The following FNDC3B variants were observed in gnomAD, a reference collection of about 807,000 sequenced individuals.
FNDC3B encodes the protein fibronectin type III domain containing 3B, also known as fibronectin type III domain-containing protein 3B.
A neutral mutation model predicts 151.5 loss-of-function variants in FNDC3B; 12 were observed. The observed-to-expected ratio is 0.08, with a 90% CI of 0.05 to 0.13. The LOEUF (loss-of-function observed/expected upper bound fraction) is 0.13, where lower values mean the gene tolerates loss of function less well. FNDC3B is among the 10% of genes least tolerant of loss of function. The probability of loss-of-function intolerance (pLI) is 1.00; values close to 1 mark genes in which losing one functional copy is unlikely to be tolerated. For synonymous variants in FNDC3B, 528 were observed against 549.0 expected, an observed-to-expected ratio of 0.96 and a Z score of 0.54; for missense variants, 1,214 against 1,505.3, an observed-to-expected ratio of 0.81 and a Z score of 3.20.
chr3:172,109,474 G>A (rs1407997934), intron 1 of FNDC3B, among the ~76,000 whole-genome samples: 3 of 152,216 alleles, frequency 2.0e-5, no homozygotes, highest in Non-Finnish European at 2.9e-5. Context: ...CGAAGGCCTT[G>A]GATTCTAGCA....
intron 6 of FNDC3B, among the ~76,000 whole-genome samples, chr3:172,272,772 T>G (rs1729261146): frequency 1.3e-5 from 2 of 152,182 alleles, no homozygotes; most frequent in Non-Finnish European, 1.5e-5. Flanking sequence ...GGAAATCAAC[T>G]TTAGGCTGCT....
intron 1 of FNDC3B, among the ~76,000 whole-genome samples, chr3:172,053,776 CAAAAAAAAAAA>C (rs562005467): frequency 8.8e-6 from 1 of 113,374 alleles, no homozygotes; most frequent in Admixed American, 9.0e-5. Context: ...AACTCCGTCT[CAAAAAAAAAAA>C]AAAAAAAAAT....
At chr3:172,249,043 C>G (rs1053212148) in intron 5 of FNDC3B, among the ~76,000 whole-genome samples, 1 of 151,912 alleles carries the variant, frequency 6.6e-6, no homozygotes, top group African/African-American at 2.4e-5. Context: ...AAGAAAACAT[C>G]AAGTATTGGG....
intron 2 of FNDC3B, among the ~76,000 whole-genome samples, chr3:172,126,801 A>G (rs903552573): frequency 2.0e-5 from 3 of 152,164 alleles, no homozygotes; most frequent in African/African-American, 7.2e-5. Context: ...ATTTCCACAT[A>G]CTGTGGTGTT....
At chr3:172,133,407 A>G (rs1417212613) in intron 2 of FNDC3B, 64 bp from the exon 3 acceptor site, 1 of 1,248,722 alleles carries the variant, frequency 8.0e-7, no homozygotes, top group Non-Finnish European at 1.2e-6. Flanking sequence ...AAATTTAGGT[A>G]ATAACACTTA....
At chr3:172,228,941 C>T (rs1327899690) in intron 4 of FNDC3B, among the ~76,000 whole-genome samples, 1 of 152,076 alleles carries the variant, frequency 6.6e-6, no homozygotes, top group Non-Finnish European at 1.5e-5. Flanking sequence ...GATGTGTACA[C>T]AACATCTTCT....
At chr3:172,344,543 G>A (rs6776935) in intron 19 of FNDC3B, among the ~76,000 whole-genome samples, 116,254 of 152,120 alleles carry the variant, frequency 0.76, 44,625 homozygotes, top group East Asian at 0.85. Context: ...GACAGTTTTT[G>A]GAAAATTTCC....
intron 6 of FNDC3B, among the ~76,000 whole-genome samples, chr3:172,267,459 G>A (rs934204395): frequency 4.6e-5 from 7 of 152,132 alleles, no homozygotes; most frequent in Non-Finnish European, 4.4e-5. Context: ...CCCAGCCTAT[G>A]CACAGTAAAT....
At chr3:172,090,524 T>G (rs1256312179) in intron 1 of FNDC3B, among the ~76,000 whole-genome samples, 1 of 152,216 alleles carries the variant, frequency 6.6e-6, no homozygotes, top group Non-Finnish European at 1.5e-5. Context: ...TAATCCAAGT[T>G]TCCTGCTTCT....
intron 11 of FNDC3B, among the ~76,000 whole-genome samples, chr3:172,316,000 CTTTTTT>C (rs555242809): frequency 1.4e-4 from 11 of 79,930 alleles, no homozygotes; most frequent in South Asian, 6.3e-4. Context: ...CTTTCTTCTT[CTTTTTT>C]TTTTTTTTTT....
intron 1 of FNDC3B, among the ~76,000 whole-genome samples, chr3:172,106,299 T>C (rs1174211514): frequency 6.6e-6 from 1 of 152,072 alleles, no homozygotes; most frequent in Non-Finnish European, 1.5e-5. Flanking sequence ...CCATGCCCAG[T>C]TTTCCACTGA....
chr3:172,064,679 G>A (rs543553838), intron 1 of FNDC3B, among the ~76,000 whole-genome samples: 2 of 152,212 alleles, frequency 1.3e-5, no homozygotes, highest in Non-Finnish European at 2.9e-5. Flanking sequence ...TGCTCAATAT[G>A]CTCCAGGGGA....
chr3:172,250,874 T>C (rs1333062924), intron 5 of FNDC3B, among the ~76,000 whole-genome samples: 3 of 152,234 alleles, frequency 2.0e-5, no homozygotes, highest in Non-Finnish European at 2.9e-5. Flanking sequence ...TGGAGTGCAG[T>C]GATGCAATCT....
intron 19 of FNDC3B, among the ~76,000 whole-genome samples, chr3:172,345,055 A>T (rs924519136): frequency 1.1e-4 from 17 of 152,278 alleles, no homozygotes; most frequent in South Asian, 4.1e-4. Flanking sequence ...ATGATTTTTT[A>T]AAAAAATAAG....
chr3:172,323,496 AAC>A (rs1317335229), intron 11 of FNDC3B, among the ~76,000 whole-genome samples: 1 of 152,196 alleles, frequency 6.6e-6, no homozygotes, highest in Non-Finnish European at 1.5e-5. Flanking sequence ...TAGCCTGAAC[AAC>A]AGAGTGAGAC....
rs1483514555 is a variant in FNDC3B at position 172,397,676 on chromosome 3, T to TAAAA, written c.*206_*209dup. 41 of 330,806 alleles carry TAAAA rather than the reference T, an allele frequency of 1.2e-4. No homozygotes were observed. The highest frequency in any genetic ancestry group is 3.9e-4 in the Admixed American group (8 of 20,650). 20.5% of individuals were successfully genotyped at this position (330,806 alleles called of 1,614,324 possible). ...AAAGGTTAAACTGGATTTTTTTTTT[T>TAAAA]AAAAAAAAGAAAAAAAAAGAAGAAA... is the stretch of plus-strand genomic sequence containing the variant. On this transcript the variant is annotated 3_prime_UTR_variant, in exon 26 of 26. Transcript: ENST00000415807.
At chr3:172,375,531 G>T (rs1425861472) in intron 23 of FNDC3B, among the ~76,000 whole-genome samples, 1 of 152,128 alleles carries the variant, frequency 6.6e-6, no homozygotes, top group Non-Finnish European at 1.5e-5. Context: ...CATGACATAG[G>T]AATTACTTAC....
chr3:172,225,340 A>AT (rs1202041798), intron 3 of FNDC3B: 1 of 160,112 alleles, frequency 6.2e-6, no homozygotes, highest in Non-Finnish European at 1.4e-5. Context: ...TGCCTAGCTA[A>AT]TTTTTTATTT....
intron 4 of FNDC3B, among the ~76,000 whole-genome samples, chr3:172,242,027 G>C (rs1437839319): frequency 1.3e-5 from 2 of 152,200 alleles, no homozygotes; most frequent in African/African-American, 4.8e-5. Context: ...CCCAAACAAA[G>C]GGGCTACAGG....
Sources: gnomAD v4.1 joint callset for allele counts (sites outside exome capture counted in the v4.1 genomes callset) on GRCh38, gnomAD v4.1.1 for gene constraint, MANE v1.5 for transcripts, NCBI Gene and HGNC (gene_info 2026-07-23, HGNC 2026-07-21) for gene names.